Variants in BDH1 observed in about 807,000 individuals in gnomAD.
BDH1 encodes the protein D-beta-hydroxybutyrate dehydrogenase, mitochondrial.
Under a neutral mutation model 33.1 loss-of-function variants are expected in BDH1, and 30 were observed. The observed-to-expected ratio is 0.91, with a 90% CI of 0.68 to 1.23. BDH1 has a LOEUF of 1.23. BDH1 is among the 50% of genes most tolerant of loss of function. The probability of loss-of-function intolerance (pLI) is 0.00; values close to 1 mark genes in which losing one functional copy is unlikely to be tolerated. For synonymous variants in BDH1, 190 were observed against 183.6 expected (o/e 1.03, Z -0.28); for missense variants, 443 against 464.4 (o/e 0.95, Z 0.42).
chr3:197,537,170 G>T (rs1287083084), intron 3 of BDH1, among the ~76,000 whole-genome samples: 2 of 151,768 alleles, frequency 1.3e-5, no homozygotes, highest in African/African-American at 4.8e-5. Flanking sequence ...TGTATTTTTT[G>T]CAGAGACAGG....
chr3:197,519,463 C>G (rs1713279881), intron 6 of BDH1, among the ~76,000 whole-genome samples: 1 of 151,690 alleles, frequency 6.6e-6, no homozygotes, highest in South Asian at 2.1e-4. Context: ...GAGTTTGAGA[C>G]CAGCCTGGCC....
At chr3:197,533,852 C>T in intron 3 of BDH1, 2 of 423,430 alleles carry the variant, frequency 4.7e-6, no homozygotes, top group Non-Finnish European at 8.4e-6. Flanking sequence ...ATCCAGTGTC[C>T]CACTCCAATA....
intron 1 of BDH1, among the ~76,000 whole-genome samples, chr3:197,568,924 A>C (rs1580023741): frequency 6.6e-6 from 1 of 152,206 alleles, no homozygotes; most frequent in Non-Finnish European, 1.5e-5. Context: ...GTTTGCAATA[A>C]TACTACAATT....
chr3:197,518,805 C>A (rs59244924), intron 6 of BDH1, among the ~76,000 whole-genome samples: 1 of 29,420 alleles, frequency 3.4e-5, no homozygotes, highest in African/African-American at 2.2e-4. Flanking sequence ...CGACCCCCCC[C>A]ATCAGTCACT....
rs1043212259 is a variant in BDH1, at chr3:197,554,945, C to A, written c.-195-232G>T. ...GGCGGCGCAGCCAATCCCAGAGCAG[C>A]GCTCCCCAACGGCCGGCCGGAGGGC... On this transcript the variant is annotated intron_variant, in intron 1 of 7. Coordinates refer to ENST00000392379, the MANE Select transcript of BDH1 (RefSeq NM_203314.3). This position sits in a 1 kb window ranked among gnomAD's most constrained non-coding sequence, Gnocchi z 4.4. Among the ~76,000 whole-genome samples, 1 of 152,266 alleles carries A rather than the reference C, an allele frequency of 6.6e-6. No individual in the cohort carries two copies. Among genetic ancestry groups the A allele is most frequent in the Non-Finnish European group, 1.5e-5 (1 of 68,046 alleles).
chr3:197,532,326 A>G (rs1714739360), intron 5 of BDH1, 86 bp downstream of exon 5: 1 of 1,146,788 alleles, frequency 8.7e-7, no homozygotes, highest in Non-Finnish European at 1.3e-6. Context: ...AAGGTGAGCC[A>G]GTTGTTAGGA....
chr3:197,558,820 C>G (rs1024245971), upstream of BDH1, among the ~76,000 whole-genome samples: 2 of 152,126 alleles, frequency 1.3e-5, no homozygotes, highest in African/African-American at 4.8e-5. Context: ...GTTTTTGAAG[C>G]CTTGTCTCAC....
intron 2 of BDH1, among the ~76,000 whole-genome samples, chr3:197,547,246 G>A (rs1260135713): frequency 2.0e-5 from 3 of 152,220 alleles, no homozygotes; most frequent in East Asian, 3.8e-4. Flanking sequence ...ACGGGCATGC[G>A]TTGCCCTCCT....
intron 5 of BDH1, among the ~76,000 whole-genome samples, chr3:197,531,420 T>A (rs185987398): frequency 0.064 from 8,759 of 136,416 alleles, 325 homozygotes; most frequent in African/African-American, 0.12. Context: ...AAAAAAAAAA[T>A]ATATATATAT....
chr3:197,550,389 A>C (rs1716459476), intron 2 of BDH1, among the ~76,000 whole-genome samples: 1 of 152,214 alleles, frequency 6.6e-6, no homozygotes, highest in African/African-American at 2.4e-5. Flanking sequence ...CTCCGATAAC[A>C]CACCACATAC....
upstream of BDH1, among the ~76,000 whole-genome samples, chr3:197,559,050 T>C (rs935337033): frequency 6.6e-6 from 1 of 151,280 alleles, no homozygotes; most frequent in Non-Finnish European, 1.5e-5. Flanking sequence ...TTACCCAGGC[T>C]GGAGTGCAAT....
At chr3:197,553,754 G>A (rs1716766122) in intron 2 of BDH1, among the ~76,000 whole-genome samples, 1 of 152,166 alleles carries the variant, frequency 6.6e-6, no homozygotes, top group Admixed American at 6.5e-5. Flanking sequence ...CCTTAGAAAT[G>A]TACACCAGCC....
Position 197,511,793 on chromosome 3 carries a change from G to GGTGGATAATCCACAC in BDH1, c.*87_*101dup. 8.6e-7 allele frequency: 1 copy of GGTGGATAATCCACAC among 1,162,646 alleles called. No individual in the cohort carries two copies. The highest frequency in any genetic ancestry group is 1.2e-6 in the Non-Finnish European group (1 of 824,784). The allele number at this position is 1,162,646 out of a possible 1,614,324, so 72.0% of individuals were successfully genotyped here. On this transcript the variant is annotated 3_prime_UTR_variant, in exon 8 of 8. Coordinates refer to ENST00000392379, the MANE Select transcript of BDH1 (RefSeq NM_203314.3). ...AACCAGTTATGGGTCTTCCTGGCAT[G>GGTGGATAATCCACAC]GTGGATAATCCACACGTGGATAATC...
At chr3:197,541,719 G>A (rs935681025) in intron 3 of BDH1, among the ~76,000 whole-genome samples, 38 of 152,096 alleles carry the variant, frequency 2.5e-4, no homozygotes, top group Admixed American at 2.2e-3. Context: ...CTGACCCAGA[G>A]GTGAGGCACA....
chr3:197,545,341 G>A (rs1715983273), intron 3 of BDH1, among the ~76,000 whole-genome samples: 1 of 152,170 alleles, frequency 6.6e-6, no homozygotes, highest in African/African-American at 2.4e-5. Flanking sequence ...ATGCGGTGAA[G>A]GTTTGGGACA....
intron 3 of BDH1, among the ~76,000 whole-genome samples, chr3:197,534,755 T>C (rs61306238): frequency 0.13 from 19,273 of 152,208 alleles, 1,617 homozygotes; most frequent in African/African-American, 0.23. Context: ...TGTCACTATT[T>C]TCTAGTTTAG....
intron 4 of BDH1, 93 bp downstream of exon 4, chr3:197,533,396 G>A (rs1311928653): frequency 7.6e-7 from 1 of 1,319,596 alleles, no homozygotes; most frequent in Admixed American, 1.8e-5. Context: ...GAAACACTAA[G>A]GCCCCACTCT....
intron 2 of BDH1, among the ~76,000 whole-genome samples, chr3:197,552,730 A>G (rs980727412): frequency 6.6e-6 from 1 of 151,196 alleles, no homozygotes; most frequent in African/African-American, 2.4e-5. Context: ...CTCTGCTTCC[A>G]TTTTTTCCTC....
chr3:197,536,717 C>T (rs945943956), intron 3 of BDH1, among the ~76,000 whole-genome samples: 1 of 152,084 alleles, frequency 6.6e-6, no homozygotes, highest in African/African-American at 2.4e-5. Flanking sequence ...TGAGGGGGTG[C>T]CTGTAATCCC....
Sources: allele counts gnomAD v4.1 joint callset (sites outside exome capture counted in the v4.1 genomes callset), GRCh38; gene constraint gnomAD v4.1.1; non-coding constraint Gnocchi (gnomAD v3.1); transcripts MANE v1.5; gene names NCBI Gene and HGNC (gene_info 2026-07-23, HGNC 2026-07-21).